Variants in FRMPD4 observed in about 807,000 individuals in gnomAD.
FRMPD4 encodes FERM and PDZ domain containing 4, also known as FERM and PDZ domain-containing protein 4.
FRMPD4 carries 22 observed loss-of-function variants against 94.1 expected under a neutral mutation model. That is an observed-to-expected ratio of 0.23 (90% CI 0.17 to 0.33). The LOEUF (loss-of-function observed/expected upper bound fraction) is 0.33, where lower values mean the gene tolerates loss of function less well. Among genes scored for constraint, FRMPD4 ranks in the 10% least tolerant of loss-of-function variants. The pLI, the probability that FRMPD4 is intolerant of heterozygous loss-of-function variation, is 1.00. For missense variants in FRMPD4, 1,111 were observed against 1,339.9 expected (o/e 0.83, Z 2.67); for synonymous variants, 631 against 548.6 (o/e 1.15, Z -2.10).
intron 1 of FRMPD4, among the ~76,000 whole-genome samples, chrX:12,205,527 G>A (rs138570210): frequency 2.0e-4 from 22 of 111,887 alleles, no homozygotes; most frequent in African/African-American, 6.5e-4. Flanking sequence ...TTGAAAAGAC[G>A]ATAGATGGTA....
At chrX:12,505,530 C>T (rs1466102729) in intron 2 of FRMPD4, among the ~76,000 whole-genome samples, 1 of 110,288 alleles carries the variant, frequency 9.1e-6, no homozygotes, top group Non-Finnish European at 1.9e-5. Context: ...GGGTTGGAGA[C>T]CAGCCTGACC....
At chrX:11,990,207 C>A (rs746246990) in intron 3 of FRMPD4, among the ~76,000 whole-genome samples, 23 of 112,038 alleles carry the variant, frequency 2.1e-4, no homozygotes, top group Non-Finnish European at 4.0e-4. Context: ...AAGCCAGGCA[C>A]AAATGGTTAC....
intron 3 of FRMPD4, among the ~76,000 whole-genome samples, chrX:12,118,420 A>G (rs2055426951): frequency 8.9e-6 from 1 of 112,686 alleles, no homozygotes; most frequent in African/African-American, 3.2e-5. Flanking sequence ...TAAAAAAATG[A>G]AAGTCCGCAG....
At chrX:12,070,810 T>G (rs931057126) in intron 3 of FRMPD4, among the ~76,000 whole-genome samples, 4 of 112,384 alleles carry the variant, frequency 3.6e-5, no homozygotes, top group Non-Finnish European at 7.5e-5. Flanking sequence ...GATGAACCAG[T>G]CTTTTCAAAG....
intron 1 of FRMPD4, among the ~76,000 whole-genome samples, chrX:12,465,046 T>C (rs2057434330): frequency 8.9e-6 from 1 of 112,214 alleles, no homozygotes; most frequent in South Asian, 3.7e-4. Context: ...AATAACCACT[T>C]ATTTCTCTAA....
chrX:12,540,635 A>C (rs1602097349), intron 2 of FRMPD4, among the ~76,000 whole-genome samples: 1 of 111,731 alleles, frequency 9.0e-6, no homozygotes, highest in East Asian at 2.8e-4. Context: ...CCACACAATA[A>C]TAATGGGAGA....
At chrX:12,525,078 C>T (rs186822301) in intron 2 of FRMPD4, among the ~76,000 whole-genome samples, 1 of 111,234 alleles carries the variant, frequency 9.0e-6, no homozygotes, top group Non-Finnish European at 1.9e-5. Context: ...GACACCCCTG[C>T]GCTACAGTCT....
intron 1 of FRMPD4, among the ~76,000 whole-genome samples, chrX:12,140,433 T>A (rs2055674084): frequency 8.9e-6 from 1 of 112,469 alleles, no homozygotes; most frequent in South Asian, 3.7e-4. Flanking sequence ...TTCACACCAC[T>A]ATTCTATTAA....
At chrX:12,248,063 T>C (rs2053979801) in intron 1 of FRMPD4, among the ~76,000 whole-genome samples, 1 of 112,420 alleles carries the variant, frequency 8.9e-6, no homozygotes, top group Non-Finnish European at 1.9e-5. Flanking sequence ...CCATGTATTG[T>C]TCCTTGTAAC....
chrX:12,637,428 G>A (rs1340185112), intron 4 of FRMPD4, among the ~76,000 whole-genome samples: 1 of 112,441 alleles, frequency 8.9e-6, no homozygotes, highest in Non-Finnish European at 1.9e-5. Flanking sequence ...TCAACACTTT[G>A]GGAGGCTGAG....
At chrX:11,907,162 T>G (rs2053972386) in intron 3 of FRMPD4, among the ~76,000 whole-genome samples, 1 of 111,355 alleles carries the variant, frequency 9.0e-6, no homozygotes, top group African/African-American at 3.3e-5. Flanking sequence ...TAAGTTATTG[T>G]GATCGTATTT....
At chrX:12,630,314 G>A (rs780772394) in intron 4 of FRMPD4, among the ~76,000 whole-genome samples, 2 of 112,597 alleles carry the variant, frequency 1.8e-5, no homozygotes, top group East Asian at 5.6e-4. Context: ...TAGTGCAAAA[G>A]CAGCCATAGA....
intron 3 of FRMPD4, among the ~76,000 whole-genome samples, chrX:11,926,800 A>G (rs1452571230): frequency 1.8e-5 from 2 of 111,711 alleles, no homozygotes. Context: ...CCAATATCGT[A>G]CTGAATGGGC....
chrX:12,274,866 A>G (rs1285620495), intron 1 of FRMPD4, among the ~76,000 whole-genome samples: 1 of 111,834 alleles, frequency 8.9e-6, no homozygotes, highest in Non-Finnish European at 1.9e-5. Flanking sequence ...AAAATTAGCC[A>G]GACGCGGTGG....
At chrX:12,587,865 T>C (rs1318678522) in intron 2 of FRMPD4, among the ~76,000 whole-genome samples, 1 of 112,287 alleles carries the variant, frequency 8.9e-6, no homozygotes, top group Non-Finnish European at 1.9e-5. Flanking sequence ...ATGTTTAACT[T>C]ATTGAGGAAT....
intron 1 of FRMPD4, among the ~76,000 whole-genome samples, chrX:12,419,814 A>G (rs2056859387): frequency 9.0e-6 from 1 of 111,706 alleles, no homozygotes; most frequent in Admixed American, 9.4e-5. Flanking sequence ...GAGGAACACC[A>G]TGTACACTAC....
intron 3 of FRMPD4, among the ~76,000 whole-genome samples, chrX:11,960,030 A>G (rs752338831): frequency 9.0e-6 from 1 of 111,197 alleles, no homozygotes; most frequent in South Asian, 3.9e-4. Context: ...CTAATCTGTC[A>G]GTGTTAAGAA....
chrX:12,464,233 T>C (rs1216982218), intron 1 of FRMPD4, among the ~76,000 whole-genome samples: 1 of 111,408 alleles, frequency 9.0e-6, no homozygotes. Flanking sequence ...GACAGAAAAG[T>C]GGGGAGACCT....
intron 3 of FRMPD4, among the ~76,000 whole-genome samples, chrX:12,118,354 T>C: frequency 9.3e-6 from 1 of 107,904 alleles, no homozygotes; most frequent in African/African-American, 3.5e-5. Context: ...TGCCTAGAAG[T>C]ATTCTTACCT....
Sources: gnomAD v4.1 joint callset for allele counts (sites outside exome capture counted in the v4.1 genomes callset) on GRCh38, gnomAD v4.1.1 for gene constraint, MANE v1.5 for transcripts, NCBI Gene and HGNC (gene_info 2026-07-23, HGNC 2026-07-21) for gene names.